AEBP2: variants seen among roughly 807,000 people sequenced by gnomAD.
AEBP2 encodes AE binding protein 2, also known as zinc finger protein AEBP2.
AEBP2 carries 10 observed loss-of-function variants against 50.8 expected under a neutral mutation model. The observed-to-expected ratio is 0.20, with a 90% CI of 0.12 to 0.33. AEBP2 has a LOEUF of 0.33. Ranked by LOEUF, AEBP2 falls within the 10% of genes least tolerant of loss-of-function variation. The pLI, the probability that AEBP2 is intolerant of heterozygous loss-of-function variation, is 1.00. For synonymous variants in AEBP2, 296 were observed against 261.3 expected (o/e 1.13, Z -1.28); for missense variants, 570 against 688.0 (o/e 0.83, Z 1.92).
chr12:19,473,450 G>A (rs1948601728), intron 3 of AEBP2, 95 bp downstream of exon 3: 4 of 470,784 alleles, frequency 8.5e-6, no homozygotes. Context: ...CTGTTGCCCA[G>A]GCTGGAGTGC....
intron 2 of AEBP2, among the ~76,000 whole-genome samples, chr12:19,463,667 A>ATTTTTTTTTTT: frequency 1.2e-5 from 1 of 84,672 alleles, no homozygotes; most frequent in Non-Finnish European, 2.1e-5. Context: ...TCATACTTGA[A>ATTTTTTTTTTT]TTTTTTTTTT....
In AEBP2 at chr12:19,439,629, G is replaced by A; in HGVS notation, c.-71G>A. The A allele has an allele frequency of 4.7e-6, 7 of 1,485,692 alleles. No individual in the cohort carries two copies. The highest frequency in any genetic ancestry group is 6.2e-6 in the Non-Finnish European group (7 of 1,121,030). 92.0% of individuals were successfully genotyped at this position (1,485,692 alleles called of 1,614,324 possible). On this transcript the variant is annotated 5_prime_UTR_variant, in exon 1 of 8. Transcript: ENST00000266508. ...GGAGTTTTGGGCGTTTGGGAGGGGGGCGAGGGAGAGAGAGTCGAGAGAGGG... is the reference window on the plus strand; with the variant it reads ...GGAGTTTTGGGCGTTTGGGAGGGGGACGAGGGAGAGAGAGTCGAGAGAGGG...
intron 1 of AEBP2, among the ~76,000 whole-genome samples, chr12:19,420,841 C>A (rs542626813): frequency 2.0e-5 from 3 of 152,196 alleles, no homozygotes; most frequent in Non-Finnish European, 4.4e-5. Flanking sequence ...AGATTGTCTG[C>A]AAGCATCTCC....
intron 2 of AEBP2, among the ~76,000 whole-genome samples, chr12:19,468,672 C>G (rs548353682): frequency 1.3e-5 from 2 of 152,282 alleles, no homozygotes; most frequent in African/African-American, 4.8e-5. Flanking sequence ...CAAGGATACA[C>G]TGGTTCATAC....
At chr12:19,474,783 A>G (rs997203625) in intron 3 of AEBP2, among the ~76,000 whole-genome samples, 1 of 116,656 alleles carries the variant, frequency 8.6e-6, no homozygotes, top group African/African-American at 3.4e-5. Flanking sequence ...TTTTTGTTTT[A>G]ATTTGAATAG....
rs1428273513 is a variant in AEBP2 at position 19,439,571 on chromosome 12, C to A, written c.-129C>A. On this transcript the variant is annotated 5_prime_UTR_variant, in exon 1 of 8. Coordinates refer to ENST00000266508, the MANE Select transcript of AEBP2 (RefSeq NM_153207.5). Reference sequence around the variant, plus strand: ...CGCGTGTGCAGGCTGACGCAGCTCGCGGGCCCTCCTCCTGCTCTGCAGCGG... The same window carrying A: ...CGCGTGTGCAGGCTGACGCAGCTCGAGGGCCCTCCTCCTGCTCTGCAGCGG... 3.2e-6 allele frequency: 4 copies of A among 1,239,544 alleles called. No homozygotes were observed. The highest frequency in any genetic ancestry group is 4.3e-6 in the Non-Finnish European group (4 of 928,510). 76.8% of individuals were successfully genotyped at this position (1,239,544 alleles called of 1,614,324 possible).
intron 1 of AEBP2, among the ~76,000 whole-genome samples, chr12:19,433,123 C>G (rs903031264): frequency 6.6e-6 from 1 of 152,150 alleles, no homozygotes; most frequent in Non-Finnish European, 1.5e-5. Context: ...CAGTGGCTCA[C>G]GCCTATAATC....
chr12:19,492,585 A>C (rs562506697), intron 3 of AEBP2, among the ~76,000 whole-genome samples: 156 of 149,924 alleles, frequency 1.0e-3, no homozygotes, highest in African/African-American at 3.7e-3. Flanking sequence ...AAATAAAAAA[A>C]CAAAATAAAA....
chr12:19,517,290 T>C (rs1230909626), intron 7 of AEBP2, among the ~76,000 whole-genome samples: 2 of 152,182 alleles, frequency 1.3e-5, no homozygotes, highest in African/African-American at 4.8e-5. Context: ...AATGAAAGTA[T>C]GGCAAACCTT....
chr12:19,479,731 T>TTG (rs1187552574), intron 3 of AEBP2, among the ~76,000 whole-genome samples: 1 of 137,590 alleles, frequency 7.3e-6, no homozygotes, highest in Non-Finnish European at 1.6e-5. Context: ...TTTTTTTTTT[T>TTG]TTTTTTTTTT....
intron 1 of AEBP2, among the ~76,000 whole-genome samples, chr12:19,461,802 C>T (rs1948383941): frequency 6.6e-6 from 1 of 152,164 alleles, no homozygotes; most frequent in South Asian, 2.1e-4. Context: ...TGAGCCACTG[C>T]GTCCAGCCAT....
At chr12:19,435,325 G>A (rs2153365451), upstream of AEBP2, among the ~76,000 whole-genome samples, 1 of 150,214 alleles carries the variant, frequency 6.7e-6, no homozygotes, top group South Asian at 2.1e-4. Context: ...CCGTCACCCA[G>A]GCTGGAGTGC....
At chr12:19,414,082 T>C (rs1412751194) in intron 1 of AEBP2, among the ~76,000 whole-genome samples, 1 of 151,950 alleles carries the variant, frequency 6.6e-6, no homozygotes. Flanking sequence ...TTAGTAGAGA[T>C]GTGGTTTCAC....
chr12:19,504,910 C>T (rs989809727), intron 5 of AEBP2, among the ~76,000 whole-genome samples: 3 of 151,880 alleles, frequency 2.0e-5, no homozygotes, highest in African/African-American at 7.3e-5. Context: ...AGTGATAGAA[C>T]AAAATTTGGA....
At chr12:19,497,359 G>T (rs1478758177) in intron 4 of AEBP2, among the ~76,000 whole-genome samples, 1 of 92,144 alleles carries the variant, frequency 1.1e-5, no homozygotes. Context: ...TTTTGAGACA[G>T]AGTCTCACAC....
chr12:19,506,953 G>C (rs983349165), intron 5 of AEBP2, among the ~76,000 whole-genome samples: 6 of 152,078 alleles, frequency 3.9e-5, no homozygotes, highest in African/African-American at 7.2e-5. Flanking sequence ...GCAGATTGGG[G>C]AGAGGGGAGT....
chr12:19,422,805 T>A (rs1401307723), intron 1 of AEBP2, among the ~76,000 whole-genome samples: 1 of 152,086 alleles, frequency 6.6e-6, no homozygotes, highest in East Asian at 1.9e-4. Context: ...GGCTCATGGC[T>A]GTAATCACAG....
chr12:19,495,055 G>A (rs1948953097), intron 4 of AEBP2, among the ~76,000 whole-genome samples: 1 of 152,002 alleles, frequency 6.6e-6, no homozygotes, highest in Non-Finnish European at 1.5e-5. Flanking sequence ...ACAGGCACCC[G>A]CCACCACGAC....
intron 5 of AEBP2, chr12:19,508,921 A>G (rs1949193112): frequency 5.5e-6 from 2 of 366,032 alleles, no homozygotes; most frequent in Non-Finnish European, 5.3e-6. Context: ...AGCATTTGAC[A>G]TACTGTCGTA....
Sources: allele counts gnomAD v4.1 joint callset (sites outside exome capture counted in the v4.1 genomes callset), GRCh38; gene constraint gnomAD v4.1.1; transcripts MANE v1.5; gene names NCBI Gene and HGNC (gene_info 2026-07-23, HGNC 2026-07-21).